CCNT2: variants seen among roughly 807,000 people sequenced by gnomAD.
CCNT2 encodes cyclin T2.
A neutral mutation model predicts 70.0 loss-of-function variants in CCNT2; 18 were observed. The ratio of observed to expected loss-of-function variants is 0.26; its 90% CI spans 0.18 to 0.38. CCNT2 has a LOEUF of 0.38. Ranked by LOEUF, CCNT2 falls within the 10% of genes least tolerant of loss-of-function variation. The pLI, the probability that CCNT2 is intolerant of heterozygous loss-of-function variation, is 1.00. For synonymous variants in CCNT2, 334 were observed against 313.3 expected, an observed-to-expected ratio of 1.07 and a Z score of -0.70; for missense variants, 734 against 890.2, an observed-to-expected ratio of 0.82 and a Z score of 2.23.
chr2:134,949,641 CAG>C (rs1331462333), intron 7 of CCNT2, among the ~76,000 whole-genome samples: 6 of 152,088 alleles, frequency 3.9e-5, no homozygotes, highest in African/African-American at 1.4e-4. Flanking sequence ...GAGGCTTTTT[CAG>C]AGTTTATCCA....
intron 2 of CCNT2, among the ~76,000 whole-genome samples, chr2:134,924,261 A>G (rs1035387553): frequency 6.6e-5 from 10 of 152,212 alleles, no homozygotes; most frequent in East Asian, 1.9e-4. Context: ...GTAACTGTAC[A>G]TATATGAGAT....
rs544612405 is a variant in CCNT2 at position 134,927,268 on chromosome 2, A to G, written c.240+7377A>G. 3.3e-5 allele frequency among the ~76,000 whole-genome samples: 5 copies of G among 152,368 alleles called. No homozygotes were observed. In the East Asian group the frequency reaches 7.7e-4, roughly 23 times the overall value. On this transcript the variant is annotated intron_variant, in intron 2 of 8. Coordinates refer to ENST00000264157, the MANE Select transcript of CCNT2 (RefSeq NM_058241.3). ...CTGACTTCAGTGACTCTGTATTATT[A>G]TAGAAGTCTTATGAAGTATTCCTGA...
At chr2:134,947,627 C>A (rs1682093249) in intron 6 of CCNT2, 109 bp from the exon 7 acceptor site, 1 of 704,194 alleles carries the variant, frequency 1.4e-6, no homozygotes, top group Non-Finnish European at 2.1e-6. Context: ...ATACTCTAGA[C>A]TTAAAGATAG....
chr2:134,932,090 T>G (rs1430937531), intron 2 of CCNT2, among the ~76,000 whole-genome samples: 1 of 152,098 alleles, frequency 6.6e-6, no homozygotes, highest in Non-Finnish European at 1.5e-5. Context: ...GTTCAAGCGA[T>G]TCCCCTGCCT....
At chr2:134,929,349 A>G (rs2105028205) in intron 2 of CCNT2, among the ~76,000 whole-genome samples, 1 of 152,202 alleles carries the variant, frequency 6.6e-6, no homozygotes, top group African/African-American at 2.4e-5. Context: ...TCACACCTGT[A>G]ATCCCAGCAC....
intron 2 of CCNT2, among the ~76,000 whole-genome samples, chr2:134,929,584 G>A (rs1349408267): frequency 8.1e-6 from 1 of 123,932 alleles, no homozygotes; most frequent in Non-Finnish European, 1.6e-5. Flanking sequence ...CTCCAGCCTA[G>A]GTGACAGAGC....
intron 6 of CCNT2, 189 bp downstream of exon 6, chr2:134,946,335 A>G (rs1681963584): frequency 8.3e-7 from 1 of 1,209,416 alleles, no homozygotes; most frequent in African/African-American, 1.5e-5. Flanking sequence ...TTAAATGCAC[A>G]ATGTGAAGTG....
chr2:134,937,582 A>T (rs1267342497), intron 3 of CCNT2, among the ~76,000 whole-genome samples: 3 of 152,174 alleles, frequency 2.0e-5, no homozygotes, highest in Non-Finnish European at 4.4e-5. Context: ...CTGACATCTT[A>T]AGAAATAAGG....
intron 7 of CCNT2, among the ~76,000 whole-genome samples, chr2:134,952,371 T>TG (rs60017121): frequency 0.51 from 76,467 of 150,424 alleles, 20,525 homozygotes; most frequent in East Asian, 0.88. Context: ...TTTTTTTTAT[T>TG]GGGGGGGTGA....
chr2:134,941,534 C>T (rs1483599434), intron 4 of CCNT2, among the ~76,000 whole-genome samples: 1 of 151,994 alleles, frequency 6.6e-6, no homozygotes, highest in Non-Finnish European at 1.5e-5. Flanking sequence ...ACCCCTAGGC[C>T]CTGCGTTGTT....
At chr2:134,936,686 G>A (rs41269817) in intron 2 of CCNT2, among the ~76,000 whole-genome samples, 155 bp from the exon 3 acceptor site, 2 of 150,696 alleles carry the variant, frequency 1.3e-5, no homozygotes, top group Non-Finnish European at 3.0e-5. Context: ...CCTGGGAGGT[G>A]GAGCTTTCAG....
chr2:134,939,892 G>A (rs1681442761), intron 4 of CCNT2, among the ~76,000 whole-genome samples: 1 of 152,080 alleles, frequency 6.6e-6, no homozygotes, highest in African/African-American at 2.4e-5. Flanking sequence ...CTGAAATTGA[G>A]GCCTAAGAAA....
intron 2 of CCNT2, among the ~76,000 whole-genome samples, chr2:134,924,950 C>G (rs1680176446): frequency 6.6e-6 from 1 of 152,194 alleles, no homozygotes; most frequent in African/African-American, 2.4e-5. Context: ...GAGTTTCCAA[C>G]TGTCTGAATT....
At chr2:134,922,417 G>C (rs1679981192) in intron 2 of CCNT2, among the ~76,000 whole-genome samples, 1 of 152,208 alleles carries the variant, frequency 6.6e-6, no homozygotes, top group Non-Finnish European at 1.5e-5. Flanking sequence ...ATGTGCTGCT[G>C]TATTAATATT....
At chr2:134,945,460 G>T (rs943438897) in intron 5 of CCNT2, 2 of 985,256 alleles carry the variant, frequency 2.0e-6, no homozygotes, top group Non-Finnish European at 2.4e-6. Flanking sequence ...GAAGCATTCT[G>T]ATCCTCCCTA....
intron 3 of CCNT2, among the ~76,000 whole-genome samples, chr2:134,938,649 G>A (rs954058479): frequency 2.0e-5 from 3 of 152,142 alleles, no homozygotes; most frequent in Non-Finnish European, 4.4e-5. Flanking sequence ...GTTTGAGTTG[G>A]ATGTTTTTAA....
rs1393848936 is a variant in CCNT2 at position 134,954,577 on chromosome 2, C to G, written c.2122C>G (p.Gln708Glu). 2 of 1,614,076 alleles carry G rather than the reference C, an allele frequency of 1.2e-6. No individual in the cohort carries two copies. Among genetic ancestry groups the G allele is most frequent in the South Asian group, 2.2e-5 (2 of 91,078 alleles). The change falls in exon 9 of 9, where the codon CAG becomes GAG. Residue 708 changes from glutamine to glutamate, a missense_variant. Around this residue, in one of 3 missense-constraint regions of CCNT2, gnomAD observed 532 missense variants for 556.9 expected, o/e 0.96. Coordinates refer to ENST00000264157, the MANE Select transcript of CCNT2 (RefSeq NM_058241.3). ...CAATCACGAGTACAGTACAAGCAGC[C>G]AGCATATGGACTACAAAGACACATT... is the stretch of plus-strand genomic sequence containing the variant. The part of the protein sequence containing the change: ...DANHEYSTSS[Q>E]HMDYKDTFDM...
chr2:134,943,481 T>C (rs2105065149), intron 5 of CCNT2: 3 of 985,224 alleles, frequency 3.0e-6, no homozygotes, highest in Non-Finnish European at 3.6e-6. Flanking sequence ...AATGTATTTT[T>C]CGAGGGTCTT....
At chr2:134,923,152 G>A (rs963924204) in intron 2 of CCNT2, among the ~76,000 whole-genome samples, 3 of 152,046 alleles carry the variant, frequency 2.0e-5, no homozygotes, top group Admixed American at 6.6e-5. Flanking sequence ...GTGGTGGCAC[G>A]TGCCTGTAAT....
Sources: allele counts gnomAD v4.1 joint callset (sites outside exome capture counted in the v4.1 genomes callset), GRCh38; gene constraint gnomAD v4.1.1; regional missense constraint gnomAD v4.1.1; transcripts MANE v1.5; gene names NCBI Gene and HGNC (gene_info 2026-07-23, HGNC 2026-07-21).